The following GJA1 variants were observed in gnomAD, a reference collection of about 807,000 sequenced individuals.
GJA1 encodes the protein gap junction protein alpha 1.
Under a neutral mutation model 31.0 loss-of-function variants are expected in GJA1, and 9 were observed. That is an observed-to-expected ratio of 0.29 (90% CI 0.17 to 0.51). The LOEUF is 0.51. Among genes scored for constraint, GJA1 ranks in the 20% least tolerant of loss-of-function variants. GJA1 has a pLI of 0.98. For missense variants in GJA1, 278 were observed against 468.8 expected, an observed-to-expected ratio of 0.59 and a Z score of 3.76; for synonymous variants, 186 against 180.1, an observed-to-expected ratio of 1.03 and a Z score of -0.26.
chr6:121,444,565 G>T (rs1773852843), intron 1 of GJA1, among the ~76,000 whole-genome samples: 1 of 152,122 alleles, frequency 6.6e-6, no homozygotes, highest in Non-Finnish European at 1.5e-5. Context: ...ATGTAATGTT[G>T]CTTACTGAGG....
chr6:121,447,689 T>C lies in GJA1; in HGVS notation c.842T>C (p.Met281Thr). 2 of 1,614,126 alleles carry C rather than the reference T, an allele frequency of 1.2e-6. No homozygotes were observed. The highest frequency in any genetic ancestry group is 1.7e-6 in the Non-Finnish European group (2 of 1,180,014). ...CSSPTAPLSP[M>T]SPPGYKLVTG... ...TCACCAACCGCTCCCCTCTCGCCTATGTCTCCTCCTGGGTACAAGCTGGTT... is the reference window on the plus strand; with the variant it reads ...TCACCAACCGCTCCCCTCTCGCCTACGTCTCCTCCTGGGTACAAGCTGGTT... Residue 281 changes from methionine to threonine, a missense_variant, in exon 2 of 2, where the codon ATG (methionine) becomes ACG (threonine). By Grantham distance (81) the Met-to-Thr change is moderately conservative. This residue lies in a region of GJA1 where 172 missense variants were observed against 190.9 expected (regional missense o/e 0.90). Coordinates refer to ENST00000282561, the MANE Select transcript of GJA1 (RefSeq NM_000165.5).
At chr6:121,436,135 TG>T (rs1284188625) in intron 1 of GJA1, among the ~76,000 whole-genome samples, 21 of 144,382 alleles carry the variant, frequency 1.5e-4, no homozygotes, top group Admixed American at 3.4e-4. Context: ...CATTTTATTT[TG>T]TTTTTTTTTT....
intron 1 of GJA1, among the ~76,000 whole-genome samples, chr6:121,445,799 G>GACAGAAGGCTGACTTCTGAGCT (rs1235064387): frequency 6.6e-6 from 1 of 152,020 alleles, no homozygotes; most frequent in Non-Finnish European, 1.5e-5. Flanking sequence ...TTTTTCTCTG[G>GACAGAAGGCTGACTTCTGAGCT]ACAGAAGGCT....
chr6:121,439,788 A>T (rs1773734237), intron 1 of GJA1, among the ~76,000 whole-genome samples: 1 of 152,184 alleles, frequency 6.6e-6, no homozygotes, highest in African/African-American at 2.4e-5. Context: ...TCTGCCCCCA[A>T]AATAAGCAGT....
At position 121,447,617 on chromosome 6, in the gene GJA1, C is replaced by A. The variant is rs1453550957; in HGVS notation, c.770C>A (p.Ala257Asp). The A allele has an allele frequency of 6.2e-7, 1 of 1,613,852 alleles. No individual in the cohort carries two copies. The highest frequency in any genetic ancestry group is 8.5e-7 in the Non-Finnish European group (1 of 1,179,932). The change falls in exon 2 of 2, where the codon GCC becomes GAC. Residue 257 changes from alanine (A) to aspartate (D), a missense_variant. Around this residue, in one of 3 missense-constraint regions of GJA1, gnomAD observed 172 missense variants for 190.9 expected, o/e 0.90. Transcript: ENST00000282561. ...YHATSGALSP[A>D]KDCGSQKYAY... ...GCGACCAGTGGTGCGCTGAGCCCTG[C>A]CAAAGACTGTGGGTCTCAAAAATAT...
Position 121,448,064 on chromosome 6 carries a change from A to C in GJA1, c.*68A>C. The C allele has an allele frequency of 1.4e-6, 2 of 1,390,978 alleles. No individual in the cohort carries two copies. Among genetic ancestry groups the C allele is most frequent in the Non-Finnish European group, 2.0e-6 (2 of 978,026 alleles). 86.2% of individuals were successfully genotyped at this position (1,390,978 alleles called of 1,614,324 possible). The stretch of plus-strand genomic sequence containing the variant: ...AGAAAAAAGGTGCTGTAGAAAGTGC[A>C]CCAGGTGTTAATTTTGATCCGGTGG... On this transcript the variant is annotated 3_prime_UTR_variant, in exon 2 of 2. Coordinates refer to ENST00000282561, the MANE Select transcript of GJA1 (RefSeq NM_000165.5).
chr6:121,443,717 T>C (rs1421388779), intron 1 of GJA1, among the ~76,000 whole-genome samples: 2 of 152,216 alleles, frequency 1.3e-5, no homozygotes, highest in Non-Finnish European at 1.5e-5. Context: ...TATTTTACTT[T>C]GAGTAATGAT....
chr6:121,435,862 C>T (rs1773652834), intron 1 of GJA1, 30 bp downstream of exon 1: 3 of 151,986 alleles, frequency 2.0e-5, no homozygotes, highest in African/African-American at 7.3e-5. Flanking sequence ...GAACACGTTA[C>T]CTATTAGTTT....
intron 1 of GJA1, among the ~76,000 whole-genome samples, chr6:121,442,207 A>G (rs1053133341): frequency 2.0e-4 from 31 of 152,092 alleles, no homozygotes; most frequent in African/African-American, 7.2e-4. Flanking sequence ...TCCATTCTCA[A>G]CTCATTACAT....
intron 1 of GJA1, among the ~76,000 whole-genome samples, chr6:121,438,286 T>TA (rs569500629): frequency 7.5e-4 from 114 of 152,302 alleles, no homozygotes; most frequent in Middle Eastern, 3.4e-3. Context: ...TCTAATGCCT[T>TA]CTGAGGGTTC....
chr6:121,443,116 T>C (rs1773824260), intron 1 of GJA1, among the ~76,000 whole-genome samples: 2 of 152,172 alleles, frequency 1.3e-5, no homozygotes, highest in Admixed American at 1.3e-4. Flanking sequence ...CATATAATTA[T>C]GCCCTTTTAT....
intron 1 of GJA1, among the ~76,000 whole-genome samples, chr6:121,439,134 TA>T (rs899618609): frequency 5.9e-5 from 9 of 151,730 alleles, no homozygotes; most frequent in Non-Finnish European, 1.2e-4. Flanking sequence ...CCCACCTCTA[TA>T]AAAAAAAATT....
intron 1 of GJA1, among the ~76,000 whole-genome samples, chr6:121,444,273 C>A (rs1311292470): frequency 6.6e-6 from 1 of 152,090 alleles, no homozygotes; most frequent in Admixed American, 6.6e-5. Context: ...CTAAAATGAC[C>A]CTTCCTAAGT....
At chr6:121,436,043 G>T (rs1304594372) in intron 1 of GJA1, among the ~76,000 whole-genome samples, 8 of 151,904 alleles carry the variant, frequency 5.3e-5, no homozygotes. Flanking sequence ...TATTAACATT[G>T]CAACAGGTGA....
chr6:121,438,645 GTTA>G (rs1773711033), intron 1 of GJA1, among the ~76,000 whole-genome samples: 2 of 152,162 alleles, frequency 1.3e-5, no homozygotes. Context: ...AGGATTCTCA[GTTA>G]TTTGAAGAGA....
At chr6:121,445,728 A>T (rs1773876165) in intron 1 of GJA1, among the ~76,000 whole-genome samples, 1 of 152,168 alleles carries the variant, frequency 6.6e-6, no homozygotes, top group Non-Finnish European at 1.5e-5. Flanking sequence ...TTGTTTTTCA[A>T]AGTAGGTTAC....
chr6:121,439,629 T>C (rs1773730555), intron 1 of GJA1, among the ~76,000 whole-genome samples: 1 of 152,148 alleles, frequency 6.6e-6, no homozygotes, highest in Non-Finnish European at 1.5e-5. Flanking sequence ...TTGTCTTTTA[T>C]GGGATGCACC....
At chr6:121,440,640 A>T (rs1037744250) in intron 1 of GJA1, among the ~76,000 whole-genome samples, 3 of 147,798 alleles carry the variant, frequency 2.0e-5, no homozygotes, top group Admixed American at 2.0e-4. Context: ...ACAGAAAAAA[A>T]CAAACTTTTT....
chr6:121,447,812 A>G lies in GJA1; in HGVS notation c.965A>G (p.Gln322Arg). 6.2e-7 allele frequency: 1 copy of G among 1,613,970 alleles called. No individual in the cohort carries two copies. The highest frequency in any genetic ancestry group is 8.5e-7 in the Non-Finnish European group (1 of 1,179,898). Reference protein sequence around the residue: ...NYSAEQNRMGQAGSTISNSHA... With the variant: ...NYSAEQNRMGRAGSTISNSHA... ...AGTGCAGAACAAAATCGAATGGGGC[A>G]GGCGGGAAGCACCATCTCTAACTCC... is the stretch of plus-strand genomic sequence containing the variant. Residue 322 changes from glutamine to arginine, a missense_variant, in exon 2 of 2, where the codon CAG becomes CGG. Transcript: ENST00000282561.
Sources: gnomAD v4.1 joint callset for allele counts (sites outside exome capture counted in the v4.1 genomes callset) on GRCh38, gnomAD v4.1.1 for gene constraint, gnomAD v4.1.1 regional missense constraint, MANE v1.5 for transcripts, NCBI Gene and HGNC (gene_info 2026-07-23, HGNC 2026-07-21) for gene names.